IMMP2L: variants seen among roughly 807,000 people sequenced by gnomAD.
The protein encoded by IMMP2L is inner mitochondrial membrane peptidase subunit 2.
IMMP2L carries 18 observed loss-of-function variants against 19.3 expected under a neutral mutation model. The ratio of observed to expected loss-of-function variants is 0.93; its 90% CI spans 0.64 to 1.38. The LOEUF (loss-of-function observed/expected upper bound fraction) is 1.38. IMMP2L is among the 40% of genes most tolerant of loss of function. The pLI is 0.00. For missense variants in IMMP2L, 233 were observed against 218.2 expected (o/e 1.07, Z -0.43); for synonymous variants, 76 against 73.0 (o/e 1.04, Z -0.21).
chr7:111,393,102 G>A (rs1428691593), intron 3 of IMMP2L, among the ~76,000 whole-genome samples: 1 of 151,740 alleles, frequency 6.6e-6, no homozygotes, highest in East Asian at 1.9e-4. Flanking sequence ...AAAGTCCCAA[G>A]CTGCTAATCA....
chr7:111,429,638 A>G (rs145673255), intron 3 of IMMP2L, among the ~76,000 whole-genome samples: 1,649 of 152,024 alleles, frequency 0.011, 83 homozygotes, highest in African/African-American at 0.037. Flanking sequence ...TAAGTAAACA[A>G]TTTAAAGATT....
intron 3 of IMMP2L, among the ~76,000 whole-genome samples, chr7:111,141,029 GA>G (rs1458582341): frequency 2.3e-4 from 35 of 152,234 alleles, no homozygotes; most frequent in African/African-American, 7.7e-4. Context: ...TTTTTAAATT[GA>G]AAAATGAATG....
intron 3 of IMMP2L, among the ~76,000 whole-genome samples, chr7:111,144,049 A>G (rs1803214727): frequency 6.6e-6 from 1 of 152,160 alleles, no homozygotes; most frequent in Non-Finnish European, 1.5e-5. Context: ...TTTCTGGACT[A>G]ACAAAATCTC....
intron 3 of IMMP2L, among the ~76,000 whole-genome samples, chr7:111,072,802 G>A (rs1464933740): frequency 6.6e-6 from 1 of 151,920 alleles, no homozygotes; most frequent in South Asian, 2.1e-4. Context: ...GGCTGAGGCA[G>A]GAGAATAGTG....
In IMMP2L at chr7:110,877,031, T is replaced by G. The variant is rs763516336; in HGVS notation, c.408+9562A>C. ...AGCAGATAATAAATATTTTAGGATTTGTGGGATATAAGTCTCTCTTGCAAG... is the reference window on the plus strand; with the variant it reads ...AGCAGATAATAAATATTTTAGGATTGGTGGGATATAAGTCTCTCTTGCAAG... On this transcript the variant is annotated intron_variant, in intron 5 of 5. Coordinates refer to ENST00000405709, the MANE Select transcript of IMMP2L (RefSeq NM_032549.4). The surrounding 1 kb of genome is among the most constrained non-coding windows in gnomAD (Gnocchi z 4.0). Among the ~76,000 whole-genome samples the G allele has an allele frequency of 2.6e-5, 4 of 152,176 alleles. No homozygotes were observed. Among genetic ancestry groups the G allele is most frequent in the African/African-American group, 4.8e-5 (2 of 41,456 alleles).
At chr7:110,953,324 AC>A (rs913506926) in intron 4 of IMMP2L, among the ~76,000 whole-genome samples, 1 of 130,882 alleles carries the variant, frequency 7.6e-6, no homozygotes, top group African/African-American at 3.0e-5. Context: ...CTTGTCCCCC[AC>A]CCCCCGACAG....
At chr7:110,921,691 C>T (rs1585276204) in intron 4 of IMMP2L, among the ~76,000 whole-genome samples, 1 of 152,108 alleles carries the variant, frequency 6.6e-6, no homozygotes, top group African/African-American at 2.4e-5. Flanking sequence ...ATTATGTTTT[C>T]ATCTATTCAG....
rs113229027 is a variant in IMMP2L, at chr7:111,074,272, C to T, written c.240-110707G>A. ...CTTCCTGACCTGACTGTCATCTTTC[C>T]ACCTACAATGATGACTCATCGACTG... On this transcript the variant is annotated intron_variant, in intron 3 of 5. Coordinates refer to ENST00000405709, the MANE Select transcript of IMMP2L (RefSeq NM_032549.4). Among the ~76,000 whole-genome samples, 276 of 152,308 alleles carry T rather than the reference C, an allele frequency of 1.8e-3. 2 individuals are homozygous for T. The highest frequency in any genetic ancestry group is 6.3e-3 in the African/African-American group (262 of 41,558).
intron 4 of IMMP2L, among the ~76,000 whole-genome samples, chr7:110,955,087 T>C (rs1002800285): frequency 6.6e-5 from 10 of 152,060 alleles, no homozygotes; most frequent in African/African-American, 1.9e-4. Context: ...AGATTCTATA[T>C]ATAATCTTAA....
At chr7:111,082,062 T>A (rs1795930784) in intron 3 of IMMP2L, among the ~76,000 whole-genome samples, 1 of 152,162 alleles carries the variant, frequency 6.6e-6, no homozygotes, top group South Asian at 2.1e-4. Context: ...CAAGCACCAG[T>A]TTGCAGTAGC....
At chr7:111,554,965 T>C (rs1012552695) in intron 1 of IMMP2L, among the ~76,000 whole-genome samples, 1 of 152,062 alleles carries the variant, frequency 6.6e-6, no homozygotes, top group African/African-American at 2.4e-5. Context: ...CAAATTTTTT[T>C]TGTGAAAAAT....
chr7:111,530,056 A>C (rs1563317696), intron 1 of IMMP2L, among the ~76,000 whole-genome samples: 1 of 152,196 alleles, frequency 6.6e-6, no homozygotes, highest in Non-Finnish European at 1.5e-5. Flanking sequence ...CAGAAGCAGC[A>C]TCAGCAAAGA....
intron 3 of IMMP2L, among the ~76,000 whole-genome samples, chr7:111,298,456 A>T (rs1169956948): frequency 6.6e-6 from 1 of 152,102 alleles, no homozygotes; most frequent in Non-Finnish European, 1.5e-5. Context: ...AAAATATATA[A>T]TAAAACAGCT....
intron 3 of IMMP2L, among the ~76,000 whole-genome samples, chr7:111,484,416 A>G (rs1043946549): frequency 6.6e-6 from 1 of 152,142 alleles, no homozygotes; most frequent in Non-Finnish European, 1.5e-5. Flanking sequence ...TTTTAATATA[A>G]AAAGGTTATA....
chr7:111,455,118 G>C (rs1487843643), intron 3 of IMMP2L, among the ~76,000 whole-genome samples: 7 of 151,850 alleles, frequency 4.6e-5, no homozygotes, highest in Admixed American at 1.3e-4. Context: ...GCAGTTGTAA[G>C]ACACAGAATA....
At chr7:111,255,131 G>A (rs940316331) in intron 3 of IMMP2L, among the ~76,000 whole-genome samples, 16 of 151,768 alleles carry the variant, frequency 1.1e-4, no homozygotes, top group Non-Finnish European at 4.4e-5. Flanking sequence ...AACCCCCACC[G>A]ATACATATTT....
At position 110,803,558 on chromosome 7, in the gene IMMP2L, A is replaced by C. The variant is rs557584901; in HGVS notation, c.408+83035T>G. 6.6e-6 allele frequency among the ~76,000 whole-genome samples: 1 copy of C among 152,142 alleles called. No individual in the cohort carries two copies. The highest frequency in any genetic ancestry group is 2.4e-5 in the African/African-American group (1 of 41,536). ...AGGGAAGTCAGTTGACACCACTAGG[A>C]GGTCTACCACTGAAAGGGGCTGGAA... On this transcript the variant is annotated intron_variant, in intron 5 of 5. Transcript: ENST00000405709. This position sits in a 1 kb window ranked among gnomAD's most constrained non-coding sequence, Gnocchi z 4.2.
At position 111,060,047 on chromosome 7, in the gene IMMP2L, G is replaced by C. The variant is rs1331236217; in HGVS notation, c.240-96482C>G. ...TTGCCAGCATTTCTTTCAGTGTCTA[G>C]AAAACAGAGTGTGCAATGTGCCAAG... On this transcript the variant is annotated intron_variant, in intron 3 of 5. Transcript: ENST00000405709. Among the ~76,000 whole-genome samples the C allele has an allele frequency of 5.3e-5, 8 of 152,100 alleles. No individual in the cohort carries two copies. In the East Asian group the frequency reaches 1.5e-3, roughly 29 times the overall value.
At chr7:110,737,897 C>G (rs1796741534) in intron 5 of IMMP2L, among the ~76,000 whole-genome samples, 2 of 152,138 alleles carry the variant, frequency 1.3e-5, no homozygotes, top group African/African-American at 4.8e-5. Context: ...TTTGTAGACC[C>G]TCGCTAGTAC....
Sources: allele counts gnomAD v4.1 joint callset (sites outside exome capture counted in the v4.1 genomes callset), GRCh38; gene constraint gnomAD v4.1.1; non-coding constraint Gnocchi (gnomAD v3.1); transcripts MANE v1.5; gene names NCBI Gene and HGNC (gene_info 2026-07-23, HGNC 2026-07-21).